The following ROBO1 variants were observed in gnomAD, a reference collection of about 807,000 sequenced individuals.
ROBO1 encodes roundabout guidance receptor 1.
In ROBO1, 149 loss-of-function variants were observed where a neutral mutation model predicts 195.9. The observed-to-expected ratio is 0.76, with a 90% CI of 0.67 to 0.87. The LOEUF (loss-of-function observed/expected upper bound fraction) is 0.87, where lower values mean the gene tolerates loss of function less well. Among genes scored for constraint, ROBO1 ranks in the 40% least tolerant of loss-of-function variants. ROBO1 has a pLI of 0.00. For synonymous variants in ROBO1, 816 were observed against 733.2 expected, an observed-to-expected ratio of 1.11 and a Z score of -1.82; for missense variants, 1,933 against 2,068.3, an observed-to-expected ratio of 0.93 and a Z score of 1.27.
intron 4 of ROBO1, among the ~76,000 whole-genome samples, chr3:78,826,841 T>A (rs1306518644): frequency 6.6e-6 from 1 of 152,182 alleles, no homozygotes; most frequent in East Asian, 1.9e-4. Context: ...GTATTGTGAA[T>A]TGAAACATTG....
At chr3:78,967,468 C>T (rs933165638) in intron 3 of ROBO1, among the ~76,000 whole-genome samples, 4 of 152,140 alleles carry the variant, frequency 2.6e-5, no homozygotes, top group Admixed American at 1.3e-4. Flanking sequence ...GGTTTTGCCT[C>T]ACATCCATCT....
At chr3:78,875,912 G>GA (rs2035814923) in intron 4 of ROBO1, among the ~76,000 whole-genome samples, 1 of 152,128 alleles carries the variant, frequency 6.6e-6, no homozygotes, top group Middle Eastern at 3.4e-3. Context: ...GTCAGATTTT[G>GA]TTACCTGAAA....
At chr3:79,119,677 T>A (rs1223002401) in intron 3 of ROBO1, among the ~76,000 whole-genome samples, 2 of 152,200 alleles carry the variant, frequency 1.3e-5, no homozygotes, top group Non-Finnish European at 2.9e-5. Flanking sequence ...GTTTATTAAT[T>A]TCCTGTTATG....
chr3:78,876,472 A>T (rs779971567), intron 4 of ROBO1, among the ~76,000 whole-genome samples: 1 of 152,212 alleles, frequency 6.6e-6, no homozygotes, highest in Non-Finnish European at 1.5e-5. Context: ...TAAAAAATTT[A>T]GTAAAAAATT....
At chr3:79,093,027 C>A (rs1982503) in intron 3 of ROBO1, among the ~76,000 whole-genome samples, 151,875 of 152,294 alleles carry the variant, frequency 1, 75,731 homozygotes, top group Non-Finnish European at 1. Flanking sequence ...TTACATGTTA[C>A]AGTTAATTTT....
chr3:79,520,083 G>A (rs1314139675), intron 2 of ROBO1, among the ~76,000 whole-genome samples: 6 of 151,430 alleles, frequency 4.0e-5, no homozygotes, highest in Non-Finnish European at 8.8e-5. Context: ...GATTGCTTGA[G>A]CCCAGGGGGT....
At chr3:78,961,369 G>C (rs1004282787) in intron 3 of ROBO1, among the ~76,000 whole-genome samples, 4 of 152,198 alleles carry the variant, frequency 2.6e-5, no homozygotes, top group Non-Finnish European at 5.9e-5. Flanking sequence ...TTCTGACTTA[G>C]TTCTGCACAG....
chr3:78,976,830 C>G lies in ROBO1; in HGVS notation c.173-37903G>C, dbSNP rs559909174. Reference sequence around the variant, plus strand: ...TGAGATAACCCTATGCATAAGAGAGCAAAAACAATATATTAATTTTCTCCA... The same window carrying G: ...TGAGATAACCCTATGCATAAGAGAGGAAAAACAATATATTAATTTTCTCCA... On this transcript the variant is annotated intron_variant, in intron 3 of 30. Transcript: ENST00000464233. Among the ~76,000 whole-genome samples, 14 of 152,190 alleles carry G rather than the reference C, an allele frequency of 9.2e-5. No individual in the cohort carries two copies. In the South Asian group the frequency reaches 1.0e-3, roughly 11 times the overall value.
chr3:79,583,337 C>T (rs1346387974), intron 2 of ROBO1, among the ~76,000 whole-genome samples: 6 of 151,830 alleles, frequency 4.0e-5, no homozygotes, highest in Non-Finnish European at 4.4e-5. Flanking sequence ...TGATTAACTT[C>T]GAATACTTAA....
intron 2 of ROBO1, among the ~76,000 whole-genome samples, chr3:79,383,274 G>A (rs557890006): frequency 6.6e-6 from 1 of 152,158 alleles, no homozygotes; most frequent in Non-Finnish European, 1.5e-5. Context: ...CTAGGGAGCT[G>A]TAAGTATTCT....
chr3:79,748,593 C>G (rs1380895314), intron 1 of ROBO1, among the ~76,000 whole-genome samples: 1 of 152,134 alleles, frequency 6.6e-6, no homozygotes, highest in Admixed American at 6.5e-5. Flanking sequence ...TGTCCCCACC[C>G]AAATCTCATC....
intron 3 of ROBO1, among the ~76,000 whole-genome samples, chr3:79,094,621 TC>T (rs529517039): frequency 3.4e-4 from 52 of 152,166 alleles, no homozygotes; most frequent in Non-Finnish European, 7.1e-4. Context: ...TTTATTTTTT[TC>T]AACTTTATGA....
chr3:78,626,715 A>G (rs1704805668), intron 26 of ROBO1, among the ~76,000 whole-genome samples: 1 of 151,514 alleles, frequency 6.6e-6, no homozygotes, highest in Non-Finnish European at 1.5e-5. Flanking sequence ...GATGCTCAAT[A>G]CATAGGTTTA....
intron 3 of ROBO1, among the ~76,000 whole-genome samples, chr3:79,039,756 C>G (rs1008892945): frequency 8.1e-6 from 1 of 122,850 alleles, no homozygotes; most frequent in Admixed American, 1.1e-4. Flanking sequence ...GACCCGAGAT[C>G]GCGCCACTGT....
chr3:79,221,762 CTA>C (rs1170692920), intron 2 of ROBO1, among the ~76,000 whole-genome samples: 1 of 151,978 alleles, frequency 6.6e-6, no homozygotes, highest in East Asian at 1.9e-4. Flanking sequence ...GTGTAATAAA[CTA>C]TAAGGAGCCA....
At chr3:78,764,010 T>C (rs1305679372) in intron 4 of ROBO1, among the ~76,000 whole-genome samples, 1 of 152,170 alleles carries the variant, frequency 6.6e-6, no homozygotes, top group Non-Finnish European at 1.5e-5. Context: ...GGGCTGCAAA[T>C]AGAAGCTGAC....
chr3:78,769,384 C>T (rs1334666547), intron 4 of ROBO1, among the ~76,000 whole-genome samples: 1 of 152,146 alleles, frequency 6.6e-6, no homozygotes, highest in Admixed American at 6.5e-5. Flanking sequence ...ATAGCTACTC[C>T]TGCTCGCTTT....
intron 4 of ROBO1, among the ~76,000 whole-genome samples, chr3:78,761,689 C>T (rs1400554689): frequency 6.6e-6 from 1 of 152,134 alleles, no homozygotes; most frequent in Non-Finnish European, 1.5e-5. Context: ...TAAAAATGAT[C>T]ATTTTAGCTA....
At chr3:79,586,329 T>C (rs554018750) in intron 2 of ROBO1, among the ~76,000 whole-genome samples, 3 of 152,042 alleles carry the variant, frequency 2.0e-5, no homozygotes, top group South Asian at 2.1e-4. Flanking sequence ...TTTTCAGTTA[T>C]CTTTTGTGGG....
Sources: allele counts gnomAD v4.1 joint callset (sites outside exome capture counted in the v4.1 genomes callset), GRCh38; gene constraint gnomAD v4.1.1; transcripts MANE v1.5; gene names NCBI Gene and HGNC (gene_info 2026-07-23, HGNC 2026-07-21).